Variants in CCDC158 observed in about 807,000 individuals in gnomAD.
CCDC158 encodes the protein coiled-coil domain-containing protein 158.
Under a neutral mutation model 138.6 loss-of-function variants are expected in CCDC158, and 116 were observed. The ratio of observed to expected loss-of-function variants is 0.84; its 90% CI spans 0.72 to 0.98. The LOEUF is 0.98. Among genes scored for constraint, CCDC158 ranks in the 50% least tolerant of loss-of-function variants. The probability of loss-of-function intolerance (pLI) is 0.00; values close to 1 mark genes in which losing one functional copy is unlikely to be tolerated. For synonymous variants in CCDC158, 436 were observed against 442.4 expected, an observed-to-expected ratio of 0.99 and a Z score of 0.18; for missense variants, 1,265 against 1,306.1, an observed-to-expected ratio of 0.97 and a Z score of 0.48.
At chr4:76,377,408 GCT>G (rs1434908830) in intron 9 of CCDC158, among the ~76,000 whole-genome samples, 1 of 152,168 alleles carries the variant, frequency 6.6e-6, no homozygotes, top group Non-Finnish European at 1.5e-5. Context: ...TGACACAACA[GCT>G]CTCTTATTTC....
chr4:76,387,338 C>T (rs1726894089), intron 4 of CCDC158, among the ~76,000 whole-genome samples: 1 of 152,120 alleles, frequency 6.6e-6, no homozygotes, highest in Non-Finnish European at 1.5e-5. Context: ...AAAGGGAACC[C>T]ATTGCCTTGA....
At chr4:76,402,389 A>T (rs935816453) in intron 3 of CCDC158, among the ~76,000 whole-genome samples, 1 of 152,144 alleles carries the variant, frequency 6.6e-6, no homozygotes, top group African/African-American at 2.4e-5. Flanking sequence ...TCAGATGAGG[A>T]TCTGGTAGTT....
chr4:76,320,597 T>C lies in CCDC158; in HGVS notation c.3277+2705A>G, dbSNP rs1719905195. Among the ~76,000 whole-genome samples the C allele has an allele frequency of 3.3e-5, 5 of 152,236 alleles. No individual in the cohort carries two copies. The South Asian group carries it at 1.0e-3, about 32-fold the overall frequency. ...TGGTACTGGTATAAAAATAGGCACA[T>C]AGACCAATGGAACAGAATAGAGAAC... On this transcript the variant is annotated intron_variant, in intron 24 of 24. Transcript: ENST00000682701.
Position 76,396,479 on chromosome 4 carries a change from T to C in CCDC158, c.78A>G (p.Ser26=). ...GAATAGATGACACAAAAAATGAACT[T>C]GAAGAACCTAAATATTAAAGAATTC... ...SSGVTSNGGS[S]SSFFVSSIRG... The change falls in exon 4 of 25, where the codon TCA becomes TCG. Residue 26 remains serine, a synonymous_variant. Coordinates refer to ENST00000682701, the MANE Select transcript of CCDC158 (RefSeq NM_001394954.1). The C allele has an allele frequency of 6.2e-7, 1 of 1,600,264 alleles. No homozygotes were observed. Among genetic ancestry groups the C allele is most frequent in the Non-Finnish European group, 8.5e-7 (1 of 1,174,592 alleles).
chr4:76,329,120 G>A (rs115683195), intron 21 of CCDC158, among the ~76,000 whole-genome samples, 153 bp from the exon 22 acceptor site: 1 of 152,176 alleles, frequency 6.6e-6, no homozygotes, highest in Admixed American at 6.5e-5. Flanking sequence ...AATACTCTAA[G>A]AGGTAGGTTC....
At chr4:76,338,903 A>C (rs1721792755) in intron 18 of CCDC158, among the ~76,000 whole-genome samples, 1 of 152,228 alleles carries the variant, frequency 6.6e-6, no homozygotes, top group African/African-American at 2.4e-5. Context: ...GGAAAGACCC[A>C]ATGATGAGAC....
intron 24 of CCDC158, among the ~76,000 whole-genome samples, chr4:76,315,466 G>A (rs543721572): frequency 2.2e-4 from 33 of 152,264 alleles, no homozygotes; most frequent in Middle Eastern, 6.8e-3. Flanking sequence ...AGCTTGTGCC[G>A]TCTTGAAAGT....
Position 76,384,019 on chromosome 4 carries a change from A to G in CCDC158, c.726+69T>C, listed in dbSNP as rs966067732. The stretch of plus-strand genomic sequence containing the variant: ...GCTTATTTTAAGAATTTTAAAAATT[A>G]TACATCTAATGCTATTCTCTTAATG... On this transcript the variant is annotated intron_variant, in intron 6 of 24. Coordinates refer to ENST00000682701, the MANE Select transcript of CCDC158 (RefSeq NM_001394954.1). 3 of 1,119,954 alleles carry G rather than the reference A, an allele frequency of 2.7e-6. No individual in the cohort carries two copies. The South Asian group carries it at 4.9e-5, about 18-fold the overall frequency. 69.4% of individuals were successfully genotyped at this position (1,119,954 alleles called of 1,614,324 possible).
chr4:76,337,220 G>A (rs1440082256), intron 18 of CCDC158, among the ~76,000 whole-genome samples: 1 of 151,950 alleles, frequency 6.6e-6, no homozygotes, highest in Non-Finnish European at 1.5e-5. Context: ...CAATTCCTTG[G>A]CTCAAGCAAT....
intron 11 of CCDC158, among the ~76,000 whole-genome samples, chr4:76,368,098 G>T (rs1176828619): frequency 6.6e-6 from 1 of 152,046 alleles, no homozygotes; most frequent in Non-Finnish European, 1.5e-5. Flanking sequence ...ATGTAAGACT[G>T]ACATATGCTA....
At chr4:76,369,658 C>A in intron 10 of CCDC158, 35 bp from the exon 11 acceptor site, 1 of 1,548,970 alleles carries the variant, frequency 6.5e-7, no homozygotes, top group Non-Finnish European at 8.9e-7. Flanking sequence ...TTCCTCCCTG[C>A]TATTAAATAA....
chr4:76,400,334 C>T (rs1035970143), intron 3 of CCDC158, among the ~76,000 whole-genome samples: 51 of 139,016 alleles, frequency 3.7e-4, no homozygotes, highest in African/African-American at 1.2e-3. Context: ...TGTTCTTACT[C>T]GTAGATGGGA....
chr4:76,363,971 G>C (rs565139458), intron 12 of CCDC158, among the ~76,000 whole-genome samples: 10 of 152,212 alleles, frequency 6.6e-5, no homozygotes, highest in African/African-American at 2.4e-4. Context: ...TTGTGGTGGT[G>C]AAAGTATCTG....
At chr4:76,399,481 T>TAAA (rs1350594630) in intron 3 of CCDC158, among the ~76,000 whole-genome samples, 3 of 151,944 alleles carry the variant, frequency 2.0e-5, no homozygotes, top group African/African-American at 7.3e-5. Flanking sequence ...TAAATTAAAT[T>TAAA]TAAAAATAAA....
At position 76,313,251 on chromosome 4, in the gene CCDC158, A is replaced by G. The variant is rs753925673; in HGVS notation, c.3278-5T>C. ...TTCTGATCATTGAAGACATTGCTGA[A>G]AATGTTGATAAAACAGTTAGAATAA... On this transcript the variant is annotated splice_region_variant and splice_polypyrimidine_tract_variant and intron_variant, in intron 24 of 24. Transcript: ENST00000682701. 1.9e-6 allele frequency: 3 copies of G among 1,572,220 alleles called. No individual in the cohort carries two copies. The East Asian group carries it at 6.8e-5, about 35-fold the overall frequency.
At chr4:76,415,494 C>G (rs565830179) in intron 1 of CCDC158, among the ~76,000 whole-genome samples, 1 of 151,696 alleles carries the variant, frequency 6.6e-6, no homozygotes, top group Non-Finnish European at 1.5e-5. Context: ...GGCAAGAGAC[C>G]GAGGGCATGA....
chr4:76,398,692 T>A (rs10011619), intron 3 of CCDC158, among the ~76,000 whole-genome samples: 3,688 of 142,244 alleles, frequency 0.026, 147 homozygotes, highest in African/African-American at 0.09. Context: ...AAAGTATACA[T>A]AACTTATGTA....
intron 18 of CCDC158, among the ~76,000 whole-genome samples, chr4:76,337,748 G>C (rs908392480): frequency 6.6e-6 from 1 of 151,408 alleles, no homozygotes; most frequent in Non-Finnish European, 1.5e-5. Flanking sequence ...AAAAAAAAAA[G>C]AAGAAAATAG....
chr4:76,395,437 A>G (rs1234450367), intron 4 of CCDC158, among the ~76,000 whole-genome samples: 5 of 152,194 alleles, frequency 3.3e-5, no homozygotes, highest in Admixed American at 3.3e-4. Context: ...ACTGCAATAA[A>G]TGTGCACAAA....
Sources: gnomAD v4.1 joint callset for allele counts (sites outside exome capture counted in the v4.1 genomes callset) on GRCh38, gnomAD v4.1.1 for gene constraint, MANE v1.5 for transcripts, NCBI Gene and HGNC (gene_info 2026-07-23, HGNC 2026-07-21) for gene names.